TGFBR2: variants seen among roughly 807,000 people sequenced by gnomAD.
The protein encoded by TGFBR2 is transforming growth factor beta receptor 2.
A neutral mutation model predicts 49.0 loss-of-function variants in TGFBR2; 18 were observed. The ratio of observed to expected loss-of-function variants is 0.37; its 90% confidence interval spans 0.25 to 0.54. The LOEUF is 0.54. Ranked by LOEUF, TGFBR2 falls within the 20% of genes least tolerant of loss-of-function variation. The pLI, the probability that TGFBR2 is intolerant of heterozygous loss-of-function variation, is 0.85. For synonymous variants in TGFBR2, 282 were observed against 275.9 expected (o/e 1.02, Z -0.22); for missense variants, 525 against 722.6 (o/e 0.73, Z 3.13).
At chr3:30,662,440 C>T (rs1038814270) in intron 3 of TGFBR2, among the ~76,000 whole-genome samples, 1 of 152,054 alleles carries the variant, frequency 6.6e-6, no homozygotes, top group African/African-American at 2.4e-5. Context: ...GGAGAGGTGG[C>T]GAATAGCTTT....
chr3:30,667,803 A>G (rs2125429123), intron 3 of TGFBR2, among the ~76,000 whole-genome samples: 1 of 152,328 alleles, frequency 6.6e-6, no homozygotes, highest in African/African-American at 2.4e-5. Flanking sequence ...TATGCAGTTA[A>G]TATTTAAATT....
At chr3:30,681,154 T>G (rs1575162162) in intron 5 of TGFBR2, among the ~76,000 whole-genome samples, 3 of 75,206 alleles carry the variant, frequency 4.0e-5, no homozygotes, top group African/African-American at 1.2e-4. Flanking sequence ...TGCAGCCTTG[T>G]GAGATGAAAA....
intron 3 of TGFBR2, among the ~76,000 whole-genome samples, chr3:30,668,897 A>G (rs1035006841): frequency 3.9e-5 from 6 of 152,044 alleles, no homozygotes; most frequent in African/African-American, 1.5e-4. Flanking sequence ...ACTCAGACTT[A>G]CCTTAAGAAC....
At position 30,606,826 on chromosome 3, in the gene TGFBR2, G is replaced by A. The variant is rs1196435065; in HGVS notation, c.-58G>A. On this transcript the variant is annotated 5_prime_UTR_variant, in exon 1 of 7. Coordinates refer to ENST00000295754, the MANE Select transcript of TGFBR2 (RefSeq NM_003242.6). ...GGCGCGGAGGCGCAGCCAGGGGTCC[G>A]GGAAGGCGCCGTCCGCTGCGCTGGG... is the stretch of plus-strand genomic sequence containing the variant. The A allele has an allele frequency of 1.2e-5, 15 of 1,247,696 alleles. No homozygotes were observed. The South Asian group carries it at 1.7e-4, about 14-fold the overall frequency. The allele number at this position is 1,247,696 out of a possible 1,614,324, so 77.3% of individuals were successfully genotyped here.
chr3:30,678,363 T>A (rs937770295), intron 5 of TGFBR2, among the ~76,000 whole-genome samples: 8 of 151,856 alleles, frequency 5.3e-5, no homozygotes, highest in African/African-American at 1.9e-4. Flanking sequence ...CTGGCTAACA[T>A]GGTGAAACCC....
rs1325401533 is a variant in TGFBR2, at chr3:30,692,342, TCTCC to T, written c.*747_*750del. The T allele has an allele frequency of 3.0e-5, 7 of 230,334 alleles. No individual in the cohort carries two copies. The highest frequency in any genetic ancestry group is 5.2e-5 in the Non-Finnish European group (6 of 116,218). 14.3% of individuals were successfully genotyped at this position (230,334 alleles called of 1,614,324 possible). ...AAATCTGGGGGGCTAGTTTAGAAAC[TCTCC>T]CTCAACCTAGTTTAGAAACTCTACC... On this transcript the variant is annotated 3_prime_UTR_variant, in exon 7 of 7. Coordinates refer to ENST00000295754, the MANE Select transcript of TGFBR2 (RefSeq NM_003242.6).
intron 1 of TGFBR2, among the ~76,000 whole-genome samples, chr3:30,607,797 A>ATATATATAT (rs1202221023): frequency 7.6e-6 from 1 of 131,712 alleles, no homozygotes; most frequent in African/African-American, 3.2e-5. Context: ...TAAAAATAAA[A>ATATATATAT]AAATATATAT....
At chr3:30,607,071 C>T in intron 1 of TGFBR2, 94 bp downstream of exon 1, 1 of 1,124,200 alleles carries the variant, frequency 8.9e-7, no homozygotes, top group African/African-American at 1.6e-5. Context: ...CCCGGCAACC[C>T]GGCCCCCGGG....
chr3:30,637,539 C>T (rs577592948), intron 1 of TGFBR2, among the ~76,000 whole-genome samples: 3 of 152,336 alleles, frequency 2.0e-5, no homozygotes, highest in Non-Finnish European at 4.4e-5. Context: ...GATGAGCCTC[C>T]TGGGGCAGAC....
intron 3 of TGFBR2, among the ~76,000 whole-genome samples, chr3:30,659,760 C>T (rs986079549): frequency 1.3e-4 from 19 of 151,766 alleles, no homozygotes; most frequent in Admixed American, 6.6e-5. Flanking sequence ...GGTGGTTCCT[C>T]TGCAGCCTCA....
intron 1 of TGFBR2, among the ~76,000 whole-genome samples, chr3:30,627,230 A>G (rs1698348836): frequency 6.6e-6 from 1 of 152,164 alleles, no homozygotes; most frequent in African/African-American, 2.4e-5. Context: ...AAACAAGGAA[A>G]TAAATTTATT....
Position 30,667,384 on chromosome 3 carries a change from C to T in TGFBR2, c.455-4254C>T, listed in dbSNP as rs548435350. 4.6e-5 allele frequency among the ~76,000 whole-genome samples: 7 copies of T among 152,272 alleles called. No homozygotes were observed. In the East Asian group the frequency reaches 1.4e-3, roughly 29 times the overall value. On this transcript the variant is annotated intron_variant, in intron 3 of 6. Transcript: ENST00000295754. ...ATACTGCCAGAGGGTGTGGGTGGCT[C>T]CTGTTTAGATAAAGCCACATCCCAA...
intron 2 of TGFBR2, among the ~76,000 whole-genome samples, chr3:30,647,889 G>T (rs921515789): frequency 4.0e-5 from 6 of 151,794 alleles, no homozygotes; most frequent in African/African-American, 1.5e-4. Context: ...GTGTTGGCCA[G>T]GCTGGTCTCG....
At chr3:30,646,731 C>T (rs1429450857) in intron 2 of TGFBR2, among the ~76,000 whole-genome samples, 3 of 152,046 alleles carry the variant, frequency 2.0e-5, no homozygotes, top group Admixed American at 6.6e-5. Flanking sequence ...GACTAGATGG[C>T]CTCAAAGCTT....
intron 5 of TGFBR2, among the ~76,000 whole-genome samples, chr3:30,674,798 A>G (rs1299920743): frequency 1.3e-5 from 2 of 152,084 alleles, no homozygotes; most frequent in Non-Finnish European, 2.9e-5. Flanking sequence ...TTAAGCCTGC[A>G]AGACTGATTA....
chr3:30,658,035 T>G (rs576622886), intron 3 of TGFBR2, among the ~76,000 whole-genome samples: 1 of 152,340 alleles, frequency 6.6e-6, no homozygotes, highest in African/African-American at 2.4e-5. Context: ...GTAAATATTT[T>G]CAGCTTTGCA....
At chr3:30,689,566 G>T (rs1053006572) in intron 6 of TGFBR2, among the ~76,000 whole-genome samples, 1 of 152,208 alleles carries the variant, frequency 6.6e-6, no homozygotes, top group African/African-American at 2.4e-5. Flanking sequence ...TGCCAGTCCT[G>T]GCCCAGAGCC....
At chr3:30,689,033 G>T (rs907059590) in intron 6 of TGFBR2, among the ~76,000 whole-genome samples, 61 of 152,160 alleles carry the variant, frequency 4.0e-4, no homozygotes, top group African/African-American at 1.4e-3. Flanking sequence ...AGCACGCGTG[G>T]GAAAGAGGAG....
chr3:30,643,808 A>G (rs1698683735), intron 1 of TGFBR2, among the ~76,000 whole-genome samples: 2 of 152,252 alleles, frequency 1.3e-5, no homozygotes, highest in Non-Finnish European at 1.5e-5. Context: ...TAGTTTGTGC[A>G]GACAATAAAT....
Sources: gnomAD v4.1 joint callset for allele counts (sites outside exome capture counted in the v4.1 genomes callset) on GRCh38, gnomAD v4.1.1 for gene constraint, MANE v1.5 for transcripts, NCBI Gene and HGNC (gene_info 2026-07-23, HGNC 2026-07-21) for gene names.